JARID2: variants seen among roughly 807,000 people sequenced by gnomAD.
The protein encoded by JARID2 is protein Jumonji.
A neutral mutation model predicts 125.6 loss-of-function variants in JARID2; 21 were observed. The ratio of observed to expected loss-of-function variants is 0.17; its 90% CI spans 0.12 to 0.24. The LOEUF (loss-of-function observed/expected upper bound fraction) is 0.24, where lower values mean the gene tolerates loss of function less well. Among genes scored for constraint, JARID2 ranks in the 10% least tolerant of loss-of-function variants. The probability of loss-of-function intolerance (pLI) is 1.00; values close to 1 mark genes in which losing one functional copy is unlikely to be tolerated. For synonymous variants in JARID2, 736 were observed against 661.6 expected (o/e 1.11, Z -1.73); for missense variants, 1,303 against 1,639.6 (o/e 0.79, Z 3.55).
chr6:15,520,348 T>A lies in JARID2; in HGVS notation c.*97T>A. 1 of 897,168 alleles carries A rather than the reference T, an allele frequency of 1.1e-6. No individual in the cohort carries two copies. Among genetic ancestry groups the A allele is most frequent in the Non-Finnish European group, 1.6e-6 (1 of 623,906 alleles). 55.6% of individuals were successfully genotyped at this position (897,168 alleles called of 1,614,324 possible). On this transcript the variant is annotated 3_prime_UTR_variant, in exon 18 of 18. Transcript: ENST00000341776. Reference sequence around the variant, plus strand: ...TGTAGGATTCAAGCTGTCTTTGCACTAGCTCTAAAGAAGATTTTCTTCTGG... The same window carrying A: ...TGTAGGATTCAAGCTGTCTTTGCACAAGCTCTAAAGAAGATTTTCTTCTGG...
chr6:15,366,856 C>A (rs1027780925), intron 1 of JARID2, among the ~76,000 whole-genome samples: 6 of 152,112 alleles, frequency 3.9e-5, no homozygotes, highest in African/African-American at 1.4e-4. Flanking sequence ...GGTCTGAATT[C>A]CAACTTTAGA....
intron 16 of JARID2, among the ~76,000 whole-genome samples, chr6:15,515,839 G>A (rs1007745078): frequency 2.0e-5 from 3 of 151,574 alleles, no homozygotes; most frequent in Non-Finnish European, 2.9e-5. Flanking sequence ...GCCAATCACA[G>A]CCTGGCCAAC....
intron 1 of JARID2, among the ~76,000 whole-genome samples, chr6:15,302,932 C>T (rs1761685597): frequency 6.6e-6 from 1 of 152,046 alleles, no homozygotes; most frequent in Non-Finnish European, 1.5e-5. Flanking sequence ...GACTGGGTTT[C>T]AGGTTGGTTT....
chr6:15,247,908 A>C (rs1276260871), intron 1 of JARID2: 1 of 985,308 alleles, frequency 1.0e-6, no homozygotes, highest in African/African-American at 1.7e-5. Flanking sequence ...GGCTGTAGAA[A>C]CTGCACTGAG....
intron 5 of JARID2, among the ~76,000 whole-genome samples, chr6:15,475,801 T>C (rs546490422): frequency 6.6e-6 from 1 of 152,324 alleles, no homozygotes; most frequent in South Asian, 2.1e-4. Flanking sequence ...CCCTCATTTT[T>C]TGAAAACATT....
intron 1 of JARID2, among the ~76,000 whole-genome samples, chr6:15,337,130 C>T (rs1464369934): frequency 6.6e-6 from 1 of 152,134 alleles, no homozygotes; most frequent in African/African-American, 2.4e-5. Context: ...GGCTGAGAGG[C>T]TCTGCTTCCC....
At chr6:15,462,642 G>T (rs1237206421) in intron 4 of JARID2, among the ~76,000 whole-genome samples, 1 of 152,200 alleles carries the variant, frequency 6.6e-6, no homozygotes, top group Non-Finnish European at 1.5e-5. Flanking sequence ...CACAAACTCA[G>T]TGGGCCAGCC....
intron 1 of JARID2, among the ~76,000 whole-genome samples, chr6:15,289,268 ATAGTT>A (rs1666256539): frequency 6.6e-6 from 1 of 152,232 alleles, no homozygotes; most frequent in African/African-American, 2.4e-5. Context: ...ATAATGAAAA[ATAGTT>A]AAGAATGGTG....
intron 11 of JARID2, among the ~76,000 whole-genome samples, chr6:15,507,867 AGGAACCTGT>A (rs1392253521): frequency 2.0e-5 from 3 of 152,240 alleles, no homozygotes; most frequent in African/African-American, 7.2e-5. Context: ...GAAAGTGGCT[AGGAACCTGT>A]CCGGGTCCTG....
chr6:15,379,401 C>G (rs1048137460), intron 2 of JARID2, among the ~76,000 whole-genome samples: 1 of 152,186 alleles, frequency 6.6e-6, no homozygotes, highest in Non-Finnish European at 1.5e-5. Flanking sequence ...CTGGCAGAGG[C>G]TGAGACCTTG....
At chr6:15,315,266 C>G (rs2127432768) in intron 1 of JARID2, among the ~76,000 whole-genome samples, 1 of 152,282 alleles carries the variant, frequency 6.6e-6, no homozygotes, top group South Asian at 2.1e-4. Context: ...TTATTGCAAA[C>G]AACTTCCTTC....
chr6:15,324,000 G>GT (rs1416886534), intron 1 of JARID2, among the ~76,000 whole-genome samples: 2 of 151,888 alleles, frequency 1.3e-5, no homozygotes, highest in Non-Finnish European at 2.9e-5. Flanking sequence ...GGCTAACATG[G>GT]TGAAACCCTG....
chr6:15,322,948 A>T (rs547887880), intron 1 of JARID2, among the ~76,000 whole-genome samples: 1 of 152,372 alleles, frequency 6.6e-6, no homozygotes, highest in African/African-American at 2.4e-5. Context: ...CCAGAGAGAA[A>T]AATTCCAAGC....
chr6:15,320,848 C>CTG lies in JARID2; in HGVS notation c.46-53268_46-53267insGT, dbSNP rs764906403. Among the ~76,000 whole-genome samples the CTG allele has an allele frequency of 4.4e-3, 591 of 135,116 alleles. 1 individual carries two copies. The highest frequency in any genetic ancestry group is 0.015 in the African/African-American group (527 of 35,530). The allele number at this position is 135,116 out of a possible 152,430, so 88.6% of individuals were successfully genotyped here. A position where few individuals can be genotyped will look rare whatever the true frequency, so the allele number is the denominator to read the frequency against. On this transcript the variant is annotated intron_variant, in intron 1 of 17. Coordinates refer to ENST00000341776, the MANE Select transcript of JARID2 (RefSeq NM_004973.4). ...CAAGAATATGATTCATTCTCTCTCT[C>CTG]TCTCTGTGTGTGTGTGTGTGTGTGT... is the stretch of plus-strand genomic sequence containing the variant.
At chr6:15,484,712 C>T (rs1019288650) in intron 5 of JARID2, among the ~76,000 whole-genome samples, 2 of 152,096 alleles carry the variant, frequency 1.3e-5, no homozygotes, top group Admixed American at 1.3e-4. Context: ...TTTTGAAGGG[C>T]GGGAAACCCA....
chr6:15,380,296 A>G (rs1425092687), intron 2 of JARID2, among the ~76,000 whole-genome samples: 6 of 152,126 alleles, frequency 3.9e-5, no homozygotes, highest in Admixed American at 2.0e-4. Flanking sequence ...CGGCTTCCCC[A>G]AGTGCTGAGA....
At position 15,520,788 on chromosome 6, in the gene JARID2, C is replaced by G; in HGVS notation, c.*537C>G. 2.2e-6 allele frequency: 1 copy of G among 455,906 alleles called. No individual in the cohort carries two copies. The highest frequency in any genetic ancestry group is 4.4e-6 in the Non-Finnish European group (1 of 226,748). The allele number at this position is 455,906 out of a possible 1,614,324, so 28.2% of individuals were successfully genotyped here. A position where few individuals can be genotyped will look rare whatever the true frequency, so the allele number is the denominator to read the frequency against. On this transcript the variant is annotated 3_prime_UTR_variant, in exon 18 of 18. Coordinates refer to ENST00000341776, the MANE Select transcript of JARID2 (RefSeq NM_004973.4). ...TGTGATCTGGGAAGCCGGGGCACCC[C>G]CGTTTTGTTTCTCTGGGCGGTTGTG...
Position 15,398,547 on chromosome 6 carries a change from A to G in JARID2, c.182-11677A>G, listed in dbSNP as rs190627496. On this transcript the variant is annotated intron_variant, in intron 2 of 17. Coordinates refer to ENST00000341776, the MANE Select transcript of JARID2 (RefSeq NM_004973.4). ...CAACATTTCATGTAAACAGTCTAAA[A>G]CTTATGGCTATTTACAACGGAGAGT... Among the ~76,000 whole-genome samples the G allele has an allele frequency of 2.6e-5, 4 of 152,314 alleles. No individual in the cohort carries two copies. The East Asian group carries it at 5.8e-4, about 22-fold the overall frequency.
chr6:15,506,911 A>G (rs1295686551), intron 9 of JARID2, among the ~76,000 whole-genome samples: 1 of 152,232 alleles, frequency 6.6e-6, no homozygotes, highest in Non-Finnish European at 1.5e-5. Flanking sequence ...ATAACACTGC[A>G]TAACATGGGT....
Sources: allele counts gnomAD v4.1 joint callset (sites outside exome capture counted in the v4.1 genomes callset), GRCh38; gene constraint gnomAD v4.1.1; transcripts MANE v1.5; gene names NCBI Gene and HGNC (gene_info 2026-07-23, HGNC 2026-07-21).